Variants in SPACA9 observed in about 807,000 individuals in gnomAD.
The protein encoded by SPACA9 is sperm acrosome associated 9.
A neutral mutation model predicts 12.5 loss-of-function variants in SPACA9; 14 were observed. The observed-to-expected ratio is 1.12, with a 90% CI of 0.74 to 1.75. The LOEUF is 1.75. Ranked by LOEUF, SPACA9 falls within the 40% of genes most tolerant of loss-of-function variation. The pLI, the probability that SPACA9 is intolerant of heterozygous loss-of-function variation, is 0.00. For missense variants in SPACA9, 292 were observed against 291.9 expected, an observed-to-expected ratio of 1.00 and a Z score of 0.00; for synonymous variants, 111 against 114.1, an observed-to-expected ratio of 0.97 and a Z score of 0.17.
chr9:132,881,015 A>G (rs1283476911), intron 1 of SPACA9, among the ~76,000 whole-genome samples: 1 of 151,826 alleles, frequency 6.6e-6, no homozygotes, highest in African/African-American at 2.4e-5. Flanking sequence ...TATTACAGAC[A>G]GGGTTTCACC....
intron 1 of SPACA9, among the ~76,000 whole-genome samples, chr9:132,882,492 TC>T (rs891185735): frequency 6.9e-6 from 1 of 144,176 alleles, no homozygotes; most frequent in Non-Finnish European, 1.5e-5. Context: ...AGTCAGGGTC[TC>T]CCTGTGTCCT....
chr9:132,885,061 C>T (rs183619894), intron 2 of SPACA9, among the ~76,000 whole-genome samples: 2 of 151,350 alleles, frequency 1.3e-5, no homozygotes, highest in Non-Finnish European at 2.9e-5. Flanking sequence ...TGCAGTGAGC[C>T]GATATTGCGC....
chr9:132,881,272 GAA>G (rs776094730), intron 1 of SPACA9, among the ~76,000 whole-genome samples: 1 of 80,150 alleles, frequency 1.2e-5, no homozygotes, highest in South Asian at 3.0e-4. Flanking sequence ...CAAAAAAAAA[GAA>G]AAAAAAAAAA....
intron 2 of SPACA9, among the ~76,000 whole-genome samples, chr9:132,885,165 C>CT (rs901997406): frequency 4.2e-4 from 63 of 151,122 alleles, no homozygotes; most frequent in African/African-American, 1.4e-3. Flanking sequence ...AAAAAAAACA[C>CT]TTTTTTTTTC....
rs113365920 is a variant in SPACA9 at position 132,889,520 on chromosome 9, C to T, written c.*909C>T. ...CTCCAGGTTCAAGCGATTCTCCTGCCTCAGCCTCCTGAGTAGCTGGAATTA... is the reference window on the plus strand; with the variant it reads ...CTCCAGGTTCAAGCGATTCTCCTGCTTCAGCCTCCTGAGTAGCTGGAATTA... On this transcript the variant is annotated 3_prime_UTR_variant, in exon 4 of 4. Transcript: ENST00000356311. 5 of 622,180 alleles carry T rather than the reference C, an allele frequency of 8.0e-6. No individual in the cohort carries two copies. The highest frequency in any genetic ancestry group is 8.0e-5 in the African/African-American group (4 of 50,258). The allele number at this position is 622,180 out of a possible 1,614,324, so 38.5% of individuals were successfully genotyped here. A position where few individuals can be genotyped will look rare whatever the true frequency, so the allele number is the denominator to read the frequency against.
chr9:132,885,911 G>A (rs927359884), intron 2 of SPACA9, among the ~76,000 whole-genome samples: 8 of 150,064 alleles, frequency 5.3e-5, no homozygotes, highest in African/African-American at 7.4e-5. Flanking sequence ...CCTGCACACC[G>A]CCCCCCACCC....
rs1456587592 is a variant in SPACA9 at position 132,889,864 on chromosome 9, A to G, written c.*1253A>G. ...GAGCAAGGGCGATGACCTGGTTTTC[A>G]CAGCGTAGTCGAACCCCAAACATTG... is the stretch of plus-strand genomic sequence containing the variant. On this transcript the variant is annotated 3_prime_UTR_variant, in exon 4 of 4. Coordinates refer to ENST00000356311, the MANE Select transcript of SPACA9 (RefSeq NM_001316897.2). 9 of 1,383,936 alleles carry G rather than the reference A, an allele frequency of 6.5e-6. No homozygotes were observed. In the Admixed American group the frequency reaches 8.0e-5, roughly 12 times the overall value. The allele number at this position is 1,383,936 out of a possible 1,614,324, so 85.7% of individuals were successfully genotyped here.
At chr9:132,883,513 C>G (rs543562071) in intron 1 of SPACA9, among the ~76,000 whole-genome samples, 29 of 152,068 alleles carry the variant, frequency 1.9e-4, no homozygotes, top group Non-Finnish European at 3.4e-4. Context: ...TGTGTGTACA[C>G]GCGTGCGTGT....
intron 1 of SPACA9, among the ~76,000 whole-genome samples, chr9:132,883,099 AGAT>A (rs148402280): frequency 0.015 from 2,326 of 152,294 alleles, 68 homozygotes; most frequent in African/African-American, 0.053. Flanking sequence ...GGAGGATTGT[AGAT>A]GCTCTGTGGA....
upstream of SPACA9, chr9:132,878,544 C>A (rs1844265296): frequency 1.7e-6 from 2 of 1,167,440 alleles, no homozygotes; most frequent in Non-Finnish European, 2.1e-6. This position sits in a 1 kb window ranked among gnomAD's most constrained non-coding sequence, Gnocchi z 4.7. Context: ...AGACCCCCGA[C>A]GAAACCCAGA....
upstream of SPACA9, chr9:132,878,355 G>C: frequency 7.2e-6 from 9 of 1,258,352 alleles, no homozygotes; most frequent in Non-Finnish European, 9.0e-6. This position sits in a 1 kb window ranked among gnomAD's most constrained non-coding sequence, Gnocchi z 4.7. Flanking sequence ...TGCAGGCTCC[G>C]CGCCGGGCCC....
chr9:132,889,034 T>C lies in SPACA9; in HGVS notation c.*423T>C, dbSNP rs1023769200. The C allele has an allele frequency of 1.6e-5, 16 of 976,744 alleles. No individual in the cohort carries two copies. The highest frequency in any genetic ancestry group is 2.0e-5 in the Non-Finnish European group (16 of 815,668). The allele number at this position is 976,744 out of a possible 1,614,324, so 60.5% of individuals were successfully genotyped here. On this transcript the variant is annotated 3_prime_UTR_variant, in exon 4 of 4. Coordinates refer to ENST00000356311, the MANE Select transcript of SPACA9 (RefSeq NM_001316897.2). Reference sequence around the variant, plus strand: ...TACCCTCGTGATCGGCCTCCCAAAGTGCTGGGATTACAGGCGTGAGCCACA... The same window carrying C: ...TACCCTCGTGATCGGCCTCCCAAAGCGCTGGGATTACAGGCGTGAGCCACA...
At chr9:132,879,753 C>G (rs927550620) in intron 1 of SPACA9, among the ~76,000 whole-genome samples, 1 of 152,160 alleles carries the variant, frequency 6.6e-6, no homozygotes, top group Admixed American at 6.5e-5. Context: ...ACCAGAAGGC[C>G]TCTTGAAGAA....
At chr9:132,881,665 C>CTT (rs79845257) in intron 1 of SPACA9, among the ~76,000 whole-genome samples, 1 of 144,554 alleles carries the variant, frequency 6.9e-6, no homozygotes, top group African/African-American at 2.6e-5. Flanking sequence ...ACTCAAGATG[C>CTT]TTTTTTTTTT....
At position 132,882,918 on chromosome 9, in the gene SPACA9, C is replaced by A. The variant is rs74501902; in HGVS notation, c.-37-993C>A. Among the ~76,000 whole-genome samples, 501 of 152,256 alleles carry A rather than the reference C, an allele frequency of 3.3e-3. 7 individuals are homozygous for A. The highest frequency in any genetic ancestry group is 0.011 in the African/African-American group (476 of 41,530). Reference sequence around the variant, plus strand: ...CACAAATTTGCTGTGACACCCTGGGCAAAACCTTTCCCTCTGAGCCTCACT... The same window carrying A: ...CACAAATTTGCTGTGACACCCTGGGAAAAACCTTTCCCTCTGAGCCTCACT... On this transcript the variant is annotated intron_variant, in intron 1 of 3. Coordinates refer to ENST00000356311, the MANE Select transcript of SPACA9 (RefSeq NM_001316897.2).
chr9:132,885,410 G>C (rs1274756949), intron 2 of SPACA9, among the ~76,000 whole-genome samples: 1 of 151,252 alleles, frequency 6.6e-6, no homozygotes, highest in Non-Finnish European at 1.5e-5. Flanking sequence ...TGACTCGGGA[G>C]GCTGAGGCAT....
Position 132,888,848 on chromosome 9 carries a change from A to C in SPACA9, c.*237A>C, listed in dbSNP as rs1251148523. On this transcript the variant is annotated 3_prime_UTR_variant, in exon 4 of 4. Transcript: ENST00000356311. The surrounding 1 kb of genome is among the most constrained non-coding windows in gnomAD (Gnocchi z 5.0). Reference sequence around the variant, plus strand: ...GGTGGCGCAACCTCGGCTCACTGCAACCTCCGCCTCCCAGGTTCACGCCAT... The same window carrying C: ...GGTGGCGCAACCTCGGCTCACTGCACCCTCCGCCTCCCAGGTTCACGCCAT... 2.2e-6 allele frequency: 2 copies of C among 925,208 alleles called. No homozygotes were observed. The highest frequency in any genetic ancestry group is 2.9e-6 in the Non-Finnish European group (2 of 693,824). The allele number at this position is 925,208 out of a possible 1,614,324, so 57.3% of individuals were successfully genotyped here. A position where few individuals can be genotyped will look rare whatever the true frequency, so the allele number is the denominator to read the frequency against.
At chr9:132,878,457 C>T (rs1844261536), upstream of SPACA9, 1 of 1,223,316 alleles carries the variant, frequency 8.2e-7, no homozygotes. This position sits in a 1 kb window ranked among gnomAD's most constrained non-coding sequence, Gnocchi z 4.7. Context: ...TCCCCAACCC[C>T]GGCCTCGCTT....
In SPACA9 at chr9:132,889,225, C is replaced by T. The variant is rs1470111583; in HGVS notation, c.*614C>T. The stretch of plus-strand genomic sequence containing the variant: ...ACCTAGGTCCTCTTTGAGCCACATC[C>T]GGCTCCAGTGCCACGCCTGTCCCTG... On this transcript the variant is annotated 3_prime_UTR_variant, in exon 4 of 4. Transcript: ENST00000356311. 34 of 985,958 alleles carry T rather than the reference C, an allele frequency of 3.4e-5. No individual in the cohort carries two copies. The highest frequency in any genetic ancestry group is 9.4e-5 in the South Asian group (2 of 21,302). 61.1% of individuals were successfully genotyped at this position (985,958 alleles called of 1,614,324 possible).
Sources: gnomAD v4.1 joint callset for allele counts (sites outside exome capture counted in the v4.1 genomes callset) on GRCh38, gnomAD v4.1.1 for gene constraint, Gnocchi (gnomAD v3.1) non-coding constraint, MANE v1.5 for transcripts, NCBI Gene and HGNC (gene_info 2026-07-23, HGNC 2026-07-21) for gene names.